PTGER3: variants seen among roughly 807,000 people sequenced by gnomAD.
The protein encoded by PTGER3 is prostaglandin E2 receptor EP3 subtype.
Under a neutral mutation model 34.7 loss-of-function variants are expected in PTGER3, and 22 were observed. The ratio of observed to expected loss-of-function variants is 0.63; its 90% CI spans 0.45 to 0.91. The LOEUF (loss-of-function observed/expected upper bound fraction) is 0.91. PTGER3 is among the 40% of genes least tolerant of loss of function. PTGER3 has a pLI of 0.00. For missense variants in PTGER3, 468 were observed against 519.4 expected, an observed-to-expected ratio of 0.90 and a Z score of 0.96; for synonymous variants, 241 against 230.1, an observed-to-expected ratio of 1.05 and a Z score of -0.43.
At chr1:70,856,493 G>C in intron 4 of PTGER3, among the ~76,000 whole-genome samples, 1 of 144,590 alleles carries the variant, frequency 6.9e-6, no homozygotes, top group Non-Finnish European at 1.5e-5. Context: ...CATCAAAACA[G>C]AGTTGCATTT....
chr1:70,852,786 A>C (rs879053055), exon 5 of PTGER3: 1 of 1,600,158 alleles, frequency 6.2e-7, no homozygotes. Context: ...TTTCTTTTAC[A>C]AAAAGAGAGT....
chr1:71,010,979 T>C (rs1657389998), intron 2 of PTGER3: 7 of 985,736 alleles, frequency 7.1e-6, no homozygotes, highest in Non-Finnish European at 8.4e-6. Context: ...AAACTGCAAA[T>C]GAAAATCTTC....
chr1:71,029,184 C>T (rs906191583), intron 1 of PTGER3, among the ~76,000 whole-genome samples: 1 of 152,190 alleles, frequency 6.6e-6, no homozygotes, highest in Non-Finnish European at 1.5e-5. Flanking sequence ...GTCCTTTTCA[C>T]TTAATTACAC....
chr1:71,024,581 G>A (rs1431079143), intron 1 of PTGER3, among the ~76,000 whole-genome samples: 5 of 151,572 alleles, frequency 3.3e-5, no homozygotes, highest in Non-Finnish European at 7.4e-5. Flanking sequence ...CTGCCCATTT[G>A]GGGGTACAGA....
intron 2 of PTGER3, among the ~76,000 whole-genome samples, chr1:70,995,981 G>T (rs1175493698): frequency 2.6e-5 from 4 of 152,086 alleles, no homozygotes; most frequent in Non-Finnish European, 5.9e-5. Context: ...GTAAACAGAG[G>T]CTGAAAGAGA....
At chr1:70,919,161 C>T (rs1647301369) in intron 4 of PTGER3, among the ~76,000 whole-genome samples, 2 of 152,086 alleles carry the variant, frequency 1.3e-5, no homozygotes, top group Non-Finnish European at 2.9e-5. Context: ...ATTTATTTCT[C>T]TAAAAATGTA....
chr1:71,010,257 C>A (rs1657324063), intron 2 of PTGER3: 1 of 983,778 alleles, frequency 1.0e-6, no homozygotes, highest in East Asian at 1.1e-4. Context: ...TGTTGTACAG[C>A]AGTATGACAC....
At chr1:70,908,170 G>A (rs1646988701) in intron 4 of PTGER3, among the ~76,000 whole-genome samples, 1 of 152,162 alleles carries the variant, frequency 6.6e-6, no homozygotes, top group South Asian at 2.1e-4. Context: ...ATACATAGAG[G>A]CAAGGTGTCC....
At chr1:70,942,481 T>C (rs1649848780) in intron 4 of PTGER3, among the ~76,000 whole-genome samples, 1 of 152,198 alleles carries the variant, frequency 6.6e-6, no homozygotes, top group Non-Finnish European at 1.5e-5. Flanking sequence ...AGCTCCAGCA[T>C]TACCAGACTA....
chr1:70,962,491 A>G (rs1652037923), intron 2 of PTGER3, among the ~76,000 whole-genome samples: 1 of 152,170 alleles, frequency 6.6e-6, no homozygotes, highest in African/African-American at 2.4e-5. Flanking sequence ...TATAAAAAAA[A>G]AAGACGTTCA....
Position 71,009,829 on chromosome 1 carries a change from G to A in PTGER3, c.1077+2476C>T, listed in dbSNP as rs988484256. On this transcript the variant is annotated intron_variant, in intron 2 of 3. Coordinates refer to ENST00000306666, the MANE Select transcript of PTGER3 (RefSeq NM_198719.2). ...AGCCAATAAAATTAAACTTAGACAC[G>A]TCTTTCTGCTGTGACTACATATATC... is the stretch of plus-strand genomic sequence containing the variant. 3.0e-6 allele frequency: 3 copies of A among 984,870 alleles called. No homozygotes were observed. In the African/African-American group the frequency reaches 5.2e-5, roughly 17 times the overall value. 61.0% of individuals were successfully genotyped at this position (984,870 alleles called of 1,614,324 possible).
At chr1:71,045,829 G>A (rs543221920) in intron 1 of PTGER3, among the ~76,000 whole-genome samples, 1 of 151,954 alleles carries the variant, frequency 6.6e-6, no homozygotes, top group Non-Finnish European at 1.5e-5. Context: ...CAAGCACCAT[G>A]GCGAAAGGCT....
At chr1:71,024,077 G>T (rs1384517097) in intron 1 of PTGER3, among the ~76,000 whole-genome samples, 2 of 149,506 alleles carry the variant, frequency 1.3e-5, no homozygotes, top group Admixed American at 6.6e-5. Context: ...TAAATTCAAA[G>T]CTCCTCTTTA....
intron 1 of PTGER3, among the ~76,000 whole-genome samples, chr1:71,015,317 T>G (rs1657798415): frequency 6.6e-6 from 1 of 152,032 alleles, no homozygotes; most frequent in Non-Finnish European, 1.5e-5. Flanking sequence ...GGGAAGAAAA[T>G]GTGGGTCTCT....
intron 4 of PTGER3, among the ~76,000 whole-genome samples, chr1:70,894,663 C>T (rs1014320862): frequency 2.6e-5 from 4 of 152,148 alleles, no homozygotes; most frequent in African/African-American, 9.7e-5. Flanking sequence ...TTTGATCAAG[C>T]CTCACCTTTA....
intron 2 of PTGER3, among the ~76,000 whole-genome samples, chr1:70,958,250 T>G (rs1046357485): frequency 6.6e-6 from 1 of 152,220 alleles, no homozygotes; most frequent in East Asian, 1.9e-4. Context: ...GTAGTCTATT[T>G]CTAGTTTTTA....
chr1:70,972,657 T>C (rs924959308), intron 3 of PTGER3, among the ~76,000 whole-genome samples: 1 of 152,126 alleles, frequency 6.6e-6, no homozygotes, highest in African/African-American at 2.4e-5. Context: ...TAAGCTACAG[T>C]GTATTATTTA....
At chr1:70,991,281 T>C (rs1420452179) in intron 2 of PTGER3, among the ~76,000 whole-genome samples, 2 of 152,188 alleles carry the variant, frequency 1.3e-5, no homozygotes, top group African/African-American at 2.4e-5. Flanking sequence ...TTGGTTTTAC[T>C]GCTCCTTTCT....
rs1653461121 is a variant in PTGER3, at chr1:70,974,330, G to C, written c.1136C>G (p.Ser379Cys). The C allele has an allele frequency of 1.3e-6, 2 of 1,513,150 alleles. No homozygotes were observed. Among genetic ancestry groups the C allele is most frequent in the African/African-American group, 2.8e-5 (2 of 72,548 alleles). The allele number at this position is 1,513,150 out of a possible 1,614,324, so 93.7% of individuals were successfully genotyped here. Residue 379 changes from serine to cysteine, a missense_variant, in exon 3 of 4, where the codon TCC (serine) becomes TGC (cysteine). This residue lies in a region of PTGER3 where 57 missense variants were observed against 43.8 expected (regional missense o/e 1.30). Coordinates refer to ENST00000306666, the MANE Select transcript of PTGER3 (RefSeq NM_198719.2). ...ATGGTCGCTCCACATCAAGGTTGAG[G>C]AACACTGGCAGGGTAAGGAGGTGGA... ...SSSTSLPCQC[S>C]STLMWSDHLE...
Sources: allele counts gnomAD v4.1 joint callset (sites outside exome capture counted in the v4.1 genomes callset), GRCh38; gene constraint gnomAD v4.1.1; regional missense constraint gnomAD v4.1.1; transcripts MANE v1.5; gene names NCBI Gene and HGNC (gene_info 2026-07-23, HGNC 2026-07-21).